VCAN: variants seen among roughly 807,000 people sequenced by gnomAD.
VCAN encodes versican core protein.
Under a neutral mutation model 245.5 loss-of-function variants are expected in VCAN, and 44 were observed. The ratio of observed to expected loss-of-function variants is 0.18; its 90% CI spans 0.14 to 0.23. VCAN has a LOEUF of 0.23. VCAN is among the 10% of genes least tolerant of loss of function. The probability of loss-of-function intolerance (pLI) is 1.00; values close to 1 mark genes in which losing one functional copy is unlikely to be tolerated. For synonymous variants in VCAN, 1,413 were observed against 1,437.0 expected (o/e 0.98, Z 0.38); for missense variants, 3,793 against 4,057.9 (o/e 0.93, Z 1.77).
chr5:83,556,240 G>C (rs1450122141), intron 12 of VCAN, among the ~76,000 whole-genome samples: 1 of 152,164 alleles, frequency 6.6e-6, no homozygotes, highest in African/African-American at 2.4e-5. Flanking sequence ...AGGTCAGTTA[G>C]GTTGAGCTAT....
chr5:83,477,620 A>G (rs1744439313), intron 1 of VCAN, among the ~76,000 whole-genome samples: 1 of 152,256 alleles, frequency 6.6e-6, no homozygotes, highest in Non-Finnish European at 1.5e-5. Flanking sequence ...ACCCAGTGCC[A>G]TTCTAGGAAA....
chr5:83,478,714 A>G (rs1744486374), intron 1 of VCAN, among the ~76,000 whole-genome samples: 1 of 152,252 alleles, frequency 6.6e-6, no homozygotes, highest in Non-Finnish European at 1.5e-5. Flanking sequence ...CTGAGTATAT[A>G]TTATACATCT....
At chr5:83,564,872 A>C (rs1461325325) in intron 12 of VCAN, among the ~76,000 whole-genome samples, 1 of 152,120 alleles carries the variant, frequency 6.6e-6, no homozygotes, top group Non-Finnish European at 1.5e-5. Context: ...GGTTTTTCTC[A>C]AAGGGATGTG....
intron 7 of VCAN, among the ~76,000 whole-genome samples, chr5:83,529,968 A>G (rs192178452): frequency 4.6e-5 from 7 of 152,268 alleles, no homozygotes; most frequent in African/African-American, 1.7e-4. Flanking sequence ...ATTCAAGATC[A>G]TTTATGCCAC....
At chr5:83,506,945 G>T (rs900457734) in intron 5 of VCAN, among the ~76,000 whole-genome samples, 1 of 152,090 alleles carries the variant, frequency 6.6e-6, no homozygotes, top group Non-Finnish European at 1.5e-5. Context: ...AGAATAGCAC[G>T]GGGAAGACTG....
chr5:83,580,430 G>A lies in VCAN; in HGVS notation c.10187G>A (p.Arg3396His), dbSNP rs1748632779. ...AGCCGGAGGTGGCAGGAGTCGAGGC[G>A]CTGATCCCTAAAATGGCGAACATGT... is the stretch of plus-strand genomic sequence containing the variant. ...RWSRRWQESR[R>H] The change falls in exon 15 of 15, where the codon CGC becomes CAC. Residue 3396 changes from arginine (R) to histidine (H), a missense_variant. Physicochemically the swap from Arg to His is conservative, Grantham distance 29 (BLOSUM62 0). Coordinates refer to ENST00000265077, the MANE Select transcript of VCAN (RefSeq NM_004385.5). The A allele has an allele frequency of 1.2e-6, 2 of 1,613,728 alleles. No homozygotes were observed. Among genetic ancestry groups the A allele is most frequent in the Non-Finnish European group, 1.7e-6 (2 of 1,179,848 alleles).
intron 3 of VCAN, among the ~76,000 whole-genome samples, chr5:83,493,124 A>C (rs1429719076): frequency 6.6e-6 from 1 of 152,196 alleles, no homozygotes; most frequent in Non-Finnish European, 1.5e-5. Context: ...TTTCATGCAT[A>C]AATATTGGGT....
At chr5:83,530,655 G>T (rs1746482554) in intron 7 of VCAN, among the ~76,000 whole-genome samples, 1 of 152,092 alleles carries the variant, frequency 6.6e-6, no homozygotes, top group Admixed American at 6.6e-5. Context: ...ACTTTTCATT[G>T]AGGTCAGTGT....
Position 83,545,632 on chromosome 5 carries a change from G to A in VCAN, c.9361G>A (p.Gly3121Arg), listed in dbSNP as rs1314929549. 12 of 1,613,934 alleles carry A rather than the reference G, an allele frequency of 7.4e-6. No individual in the cohort carries two copies. Among genetic ancestry groups the A allele is most frequent in the Admixed American group, 1.7e-5 (1 of 59,996 alleles). Residue 3121 changes from glycine to arginine, a missense_variant, in exon 9 of 15, where the codon GGA becomes AGA. Transcript: ENST00000265077. The stretch of plus-strand genomic sequence containing the variant: ...ATGCACCTGTGTGCCAGGATACAGC[G>A]GAGACCAGTGTGAACTTGGTAAGAT... ...YVCTCVPGYS[G>R]DQCELDFDEC...
Position 83,554,997 on chromosome 5 carries a change from A to G in VCAN, c.9694A>G (p.Met3232Val). 4 of 1,613,724 alleles carry G rather than the reference A, an allele frequency of 2.5e-6. No homozygotes were observed. Among genetic ancestry groups the G allele is most frequent in the Non-Finnish European group, 3.4e-6 (4 of 1,179,700 alleles). Residue 3232 changes from methionine to valine, a missense_variant, in exon 12 of 15, where the codon ATG becomes GTG. This residue lies in a region of VCAN where 205 missense variants were observed against 321.1 expected (regional missense o/e 0.64). Transcript: ENST00000265077. Reference sequence around the variant, plus strand: ...TCAGTGGATAGGCCTCAATGACAAGATGTTTGAGCATGACTTCCGTTGGAC... The same window carrying G: ...TCAGTGGATAGGCCTCAATGACAAGGTGTTTGAGCATGACTTCCGTTGGAC... Reference protein sequence around the residue: ...DYQWIGLNDKMFEHDFRWTDG... With the variant: ...DYQWIGLNDKVFEHDFRWTDG...
intron 10 of VCAN, among the ~76,000 whole-genome samples, chr5:83,551,282 A>T (rs1747457356): frequency 6.6e-6 from 1 of 152,110 alleles, no homozygotes; most frequent in Admixed American, 6.5e-5. Flanking sequence ...AGGCCAAGGC[A>T]GGTGGATCAC....
chr5:83,580,375 A>G lies in VCAN; in HGVS notation c.10132A>G (p.Ile3378Val), dbSNP rs756331722. 3.2e-5 allele frequency: 52 copies of G among 1,613,926 alleles called. No individual in the cohort carries two copies. Among genetic ancestry groups the G allele is most frequent in the Non-Finnish European group, 4.2e-5 (50 of 1,179,968 alleles). Residue 3378 changes from isoleucine to valine, a missense_variant, in exon 15 of 15, where the codon ATA becomes GTA. This residue lies in a region of VCAN where 37 missense variants were observed against 28.2 expected (regional missense o/e 1.31). Coordinates refer to ENST00000265077, the MANE Select transcript of VCAN (RefSeq NM_004385.5). ...KNSSSAKDNS[I>V]NTSKHDHRWS... ...TTCCTCATCAGCAAAGGACAATTCA[A>G]TAAATACATCCAAACATGATCATCG...
intron 10 of VCAN, among the ~76,000 whole-genome samples, chr5:83,549,212 G>T (rs781005609): frequency 6.6e-6 from 1 of 152,160 alleles, no homozygotes; most frequent in Non-Finnish European, 1.5e-5. Flanking sequence ...TCAAAAAATC[G>T]TTTTTTCAAT....
rs1260771318 is a variant in VCAN at position 83,539,801 on chromosome 5, A to G, written c.6798A>G (p.Leu2266=). ...CAGGAGAAGAAGTTTTACCTACTCTACCAACAGAGTCAGTGAATTTTACTG... is the reference window on the plus strand; with the variant it reads ...CAGGAGAAGAAGTTTTACCTACTCTGCCAACAGAGTCAGTGAATTTTACTG... ...LGSGEEVLPT[L]PTESVNFTEV... The change falls in exon 8 of 15, where the codon CTA becomes CTG. Residue 2266 remains leucine (L), a synonymous_variant. Transcript: ENST00000265077. 22 of 1,614,026 alleles carry G rather than the reference A, an allele frequency of 1.4e-5. No homozygotes were observed. The highest frequency in any genetic ancestry group is 1.8e-5 in the Non-Finnish European group (21 of 1,179,996).
Position 83,520,317 on chromosome 5 carries a change from G to A in VCAN, c.2011G>A (p.Val671Ile), listed in dbSNP as rs375716122. 5 of 1,613,650 alleles carry A rather than the reference G, an allele frequency of 3.1e-6. No homozygotes were observed. In the African/African-American group the frequency reaches 5.3e-5, roughly 17 times the overall value. Residue 671 changes from valine to isoleucine, a missense_variant, in exon 7 of 15, where the codon GTT (valine) becomes ATT (isoleucine). Coordinates refer to ENST00000265077, the MANE Select transcript of VCAN (RefSeq NM_004385.5). Reference protein sequence around the residue: ...DKILVEGISTVIYPSLQTEMT... With the variant: ...DKILVEGISTIIYPSLQTEMT... ...AATATTAGTAGAGGGAATTTCCACAGTTATTTATCCTTCTCTACAAACAGA... is the reference window on the plus strand; with the variant it reads ...AATATTAGTAGAGGGAATTTCCACAATTATTTATCCTTCTCTACAAACAGA...
chr5:83,504,126 A>G (rs1432352858), intron 5 of VCAN, among the ~76,000 whole-genome samples: 1 of 152,316 alleles, frequency 6.6e-6, no homozygotes, highest in East Asian at 1.9e-4. Flanking sequence ...TAATTCCCAC[A>G]ATAAATTTAG....
intron 1 of VCAN, among the ~76,000 whole-genome samples, chr5:83,475,769 G>A (rs1744366093): frequency 6.6e-6 from 1 of 152,186 alleles, no homozygotes; most frequent in African/African-American, 2.4e-5. Flanking sequence ...CAAGTCCACA[G>A]TCCTTAATCT....
chr5:83,478,200 C>G (rs1374036851), intron 1 of VCAN, among the ~76,000 whole-genome samples: 1 of 152,104 alleles, frequency 6.6e-6, no homozygotes, highest in African/African-American at 2.4e-5. Flanking sequence ...CCCACCTCAG[C>G]CTCCCAAAGT....
intron 3 of VCAN, 36 bp downstream of exon 3, chr5:83,490,508 C>T (rs749873845): frequency 3.1e-6 from 5 of 1,611,546 alleles, no homozygotes; most frequent in Non-Finnish European, 4.2e-6. Flanking sequence ...GGTAGTATAA[C>T]ATGACACCTG....
Sources: gnomAD v4.1 joint callset for allele counts (sites outside exome capture counted in the v4.1 genomes callset) on GRCh38, gnomAD v4.1.1 for gene constraint, gnomAD v4.1.1 regional missense constraint, MANE v1.5 for transcripts, NCBI Gene and HGNC (gene_info 2026-07-23, HGNC 2026-07-21) for gene names.